The following TMEM232 variants were observed in gnomAD, a reference collection of about 807,000 sequenced individuals.
The protein encoded by TMEM232 is transmembrane protein 232.
Under a neutral mutation model 78.8 loss-of-function variants are expected in TMEM232, and 80 were observed. The observed-to-expected ratio is 1.01, with a 90% CI of 0.85 to 1.22. The LOEUF is 1.22. Among genes scored for constraint, TMEM232 ranks in the 50% most tolerant of loss-of-function variants. The pLI is 0.00. For missense variants in TMEM232, 881 were observed against 742.2 expected, an observed-to-expected ratio of 1.19 and a Z score of -2.17; for synonymous variants, 297 against 254.3, an observed-to-expected ratio of 1.17 and a Z score of -1.60.
intron 3 of TMEM232, among the ~76,000 whole-genome samples, chr5:110,391,031 G>A: frequency 6.6e-6 from 1 of 152,208 alleles, no homozygotes. Context: ...CTGTCACAAT[G>A]ATGCCACAGT....
intron 12 of TMEM232, among the ~76,000 whole-genome samples, chr5:110,508,510 T>G (rs1372931875): frequency 6.6e-6 from 1 of 151,520 alleles, no homozygotes; most frequent in African/African-American, 2.4e-5. Flanking sequence ...ACAGTCATGG[T>G]GTCTCCACTT....
intron 2 of TMEM232, among the ~76,000 whole-genome samples, chr5:110,403,751 C>A (rs2112572266): frequency 6.6e-6 from 1 of 151,824 alleles, no homozygotes; most frequent in African/African-American, 2.4e-5. Flanking sequence ...AATCAGTAAG[C>A]CAGAAATATT....
chr5:110,662,095 G>A (rs1789881084), intron 2 of TMEM232, among the ~76,000 whole-genome samples: 2 of 152,086 alleles, frequency 1.3e-5, no homozygotes. Context: ...TCAATATTGA[G>A]ACAAAGATAT....
chr5:110,654,299 T>C (rs942836495), intron 2 of TMEM232, among the ~76,000 whole-genome samples: 8 of 152,224 alleles, frequency 5.3e-5, no homozygotes, highest in African/African-American at 1.9e-4. Context: ...TGTTTAAGTC[T>C]TTAATCCATC....
chr5:110,717,528 TTGCCCAATGTCCTTA>T (rs1345593068), intron 1 of TMEM232, among the ~76,000 whole-genome samples: 1 of 152,150 alleles, frequency 6.6e-6, no homozygotes, highest in East Asian at 1.9e-4. Flanking sequence ...ATGTGTCCTC[TTGCCCAATGTCCTTA>T]AGCAACCTAA....
At chr5:110,690,270 G>T (rs1200796016) in intron 1 of TMEM232, among the ~76,000 whole-genome samples, 1 of 152,094 alleles carries the variant, frequency 6.6e-6, no homozygotes, top group Non-Finnish European at 1.5e-5. Flanking sequence ...AATCTAAAAT[G>T]AATTTAAACA....
chr5:110,516,871 T>C (rs1346113176), intron 12 of TMEM232, among the ~76,000 whole-genome samples: 1 of 152,196 alleles, frequency 6.6e-6, no homozygotes, highest in Non-Finnish European at 1.5e-5. Context: ...TCATAAGATG[T>C]AGCAGATACT....
chr5:110,727,779 G>T (rs1798304100), upstream of TMEM232, among the ~76,000 whole-genome samples: 1 of 152,116 alleles, frequency 6.6e-6, no homozygotes, highest in South Asian at 2.1e-4. Flanking sequence ...TACAATATGT[G>T]ATCTCAGGCT....
At chr5:110,706,143 C>T (rs1424793798) in intron 1 of TMEM232, among the ~76,000 whole-genome samples, 1 of 152,042 alleles carries the variant, frequency 6.6e-6, no homozygotes, top group African/African-American at 2.4e-5. Flanking sequence ...TCAAGCTGTA[C>T]TCCCAGCAGC....
At chr5:110,591,245 G>T (rs1383911146) in intron 10 of TMEM232, among the ~76,000 whole-genome samples, 1 of 152,030 alleles carries the variant, frequency 6.6e-6, no homozygotes, top group Non-Finnish European at 1.5e-5. Context: ...ATCACTTACC[G>T]CCAGGAGTTT....
chr5:110,716,711 G>T (rs1318566484), intron 1 of TMEM232, among the ~76,000 whole-genome samples: 1 of 152,124 alleles, frequency 6.6e-6, no homozygotes, highest in African/African-American at 2.4e-5. Context: ...GCATTAGTCT[G>T]TGGCCAGGGT....
At chr5:110,691,854 A>T (rs116405074) in intron 1 of TMEM232, among the ~76,000 whole-genome samples, 1 of 152,166 alleles carries the variant, frequency 6.6e-6, no homozygotes, top group Admixed American at 6.5e-5. Flanking sequence ...TCTATTTCCT[A>T]TGTAACAGAA....
At chr5:110,502,324 T>C (rs527569277) in intron 12 of TMEM232, among the ~76,000 whole-genome samples, 2 of 152,290 alleles carry the variant, frequency 1.3e-5, no homozygotes, top group East Asian at 1.9e-4. Flanking sequence ...GGGCTAAAGA[T>C]GCAAACTGAA....
chr5:110,670,133 G>C (rs974701357), intron 1 of TMEM232, among the ~76,000 whole-genome samples: 4 of 152,136 alleles, frequency 2.6e-5, no homozygotes, highest in Non-Finnish European at 5.9e-5. Flanking sequence ...TCTGGCCAGG[G>C]CAATTAGACA....
chr5:110,483,340 C>A (rs906315996), intron 12 of TMEM232, among the ~76,000 whole-genome samples: 1 of 152,034 alleles, frequency 6.6e-6, no homozygotes, highest in Non-Finnish European at 1.5e-5. Flanking sequence ...TCACACAACT[C>A]TGAATACCTA....
At chr5:110,509,588 A>C (rs1463388149) in intron 12 of TMEM232, among the ~76,000 whole-genome samples, 1 of 152,188 alleles carries the variant, frequency 6.6e-6, no homozygotes, top group African/African-American at 2.4e-5. Flanking sequence ...AGAGAATATA[A>C]ATTCATTTCT....
chr5:110,480,504 T>C (rs1763742375), intron 12 of TMEM232, among the ~76,000 whole-genome samples: 1 of 152,006 alleles, frequency 6.6e-6, no homozygotes. Flanking sequence ...TTGGTTTGGT[T>C]GGTTGTTTTT....
chr5:110,680,474 A>G (rs1202748876), intron 1 of TMEM232, among the ~76,000 whole-genome samples: 1 of 151,800 alleles, frequency 6.6e-6, no homozygotes, highest in East Asian at 1.9e-4. Context: ...CTTTGACATA[A>G]ACATGAAAAG....
At chr5:110,692,457 G>A (rs1323992635) in intron 1 of TMEM232, among the ~76,000 whole-genome samples, 1 of 152,194 alleles carries the variant, frequency 6.6e-6, no homozygotes, top group African/African-American at 2.4e-5. Context: ...GTGGGTGCAG[G>A]AGAGTGGGTG....
Sources: allele counts gnomAD v4.1 joint callset (sites outside exome capture counted in the v4.1 genomes callset), GRCh38; gene constraint gnomAD v4.1.1; transcripts MANE v1.5; gene names NCBI Gene and HGNC (gene_info 2026-07-23, HGNC 2026-07-21).